Variants in ABCD2 observed in about 807,000 individuals in gnomAD.
ABCD2 encodes ATP-binding cassette sub-family D member 2.
Under a neutral mutation model 70.9 loss-of-function variants are expected in ABCD2, and 36 were observed. The observed-to-expected ratio is 0.51, with a 90% CI of 0.39 to 0.67. The LOEUF is 0.67. Among genes scored for constraint, ABCD2 ranks in the 30% least tolerant of loss-of-function variants. The pLI is 0.00. For missense variants in ABCD2, 729 were observed against 890.2 expected (o/e 0.82, Z 2.30); for synonymous variants, 304 against 306.9 (o/e 0.99, Z 0.10).
intron 9 of ABCD2, among the ~76,000 whole-genome samples, chr12:39,566,567 T>C (rs1941352057): frequency 6.6e-6 from 1 of 152,220 alleles, no homozygotes; most frequent in Admixed American, 6.5e-5. Flanking sequence ...TTGTTGATCT[T>C]TTCAAAAAAC....
intron 9 of ABCD2, among the ~76,000 whole-genome samples, chr12:39,559,378 CAAAAAAAA>C (rs199560381): frequency 1.8e-4 from 11 of 60,404 alleles, no homozygotes; most frequent in South Asian, 8.0e-4. Flanking sequence ...ACTCCAGCTC[CAAAAAAAA>C]AAAAAAAAAA....
At chr12:39,613,228 T>C (rs1436945634) in intron 2 of ABCD2, among the ~76,000 whole-genome samples, 2 of 122,834 alleles carry the variant, frequency 1.6e-5, no homozygotes, top group African/African-American at 4.0e-5. Flanking sequence ...CTACTAAAAA[T>C]ACAAAAAATT....
chr12:39,552,383 A>G lies in ABCD2; in HGVS notation c.*1529T>C, dbSNP rs1941100139. The G allele has an allele frequency of 6.6e-6, 1 of 151,954 alleles. No individual in the cohort carries two copies. 9.4% of individuals were successfully genotyped at this position (151,954 alleles called of 1,614,324 possible). On this transcript the variant is annotated 3_prime_UTR_variant, in exon 10 of 10. Coordinates refer to ENST00000308666, the MANE Select transcript of ABCD2 (RefSeq NM_005164.4). The stretch of plus-strand genomic sequence containing the variant: ...AGGCAAATAAAATCCTAGGCCACTA[A>G]CAACTGATCATTCCAATATTCTTCT...
At chr12:39,584,453 C>G (rs1010919616) in intron 7 of ABCD2, among the ~76,000 whole-genome samples, 1 of 152,134 alleles carries the variant, frequency 6.6e-6, no homozygotes, top group African/African-American at 2.4e-5. Flanking sequence ...AATACTTTCT[C>G]CCATTGTGTA....
chr12:39,603,294 G>T (rs1171787394), intron 5 of ABCD2, among the ~76,000 whole-genome samples: 5 of 152,028 alleles, frequency 3.3e-5, no homozygotes, highest in Admixed American at 6.6e-5. Context: ...TTTTGTACTT[G>T]AATCCCAAAA....
At chr12:39,566,952 T>C (rs1476818228) in intron 9 of ABCD2, among the ~76,000 whole-genome samples, 5 of 152,246 alleles carry the variant, frequency 3.3e-5, no homozygotes, top group Admixed American at 3.3e-4. Flanking sequence ...TGAGTGAGTT[T>C]CTTAATCCTG....
Position 39,550,808 on chromosome 12 carries a change from A to G in ABCD2, c.*3104T>C, listed in dbSNP as rs1037448441. ...AATAACCTTTACCATCATTTTATGC[A>G]TATATTAGAAGTGTGTAACATTCTC... On this transcript the variant is annotated 3_prime_UTR_variant, in exon 10 of 10. Transcript: ENST00000308666. The G allele has an allele frequency of 3.3e-5, 5 of 151,704 alleles. No homozygotes were observed. Among genetic ancestry groups the G allele is most frequent in the Non-Finnish European group, 7.4e-5 (5 of 67,666 alleles). 9.4% of individuals were successfully genotyped at this position (151,704 alleles called of 1,614,324 possible).
At chr12:39,616,908 G>T in intron 2 of ABCD2, 80 bp downstream of exon 2, 1 of 1,301,250 alleles carries the variant, frequency 7.7e-7, no homozygotes, top group Non-Finnish European at 1.1e-6. Context: ...ACACAGTTTA[G>T]CTCACATAAA....
the ABCD2 span, chr12:39,539,994 T>G: frequency 1.3e-5 from 2 of 152,206 alleles, no homozygotes; most frequent in Non-Finnish European, 2.9e-5. Context: ...CACACCATAG[T>G]ATTGCCTGTC....
At chr12:39,538,171 CTTTTTTT>C in the ABCD2 span, among the ~76,000 whole-genome samples, 1 of 139,696 alleles carries the variant, frequency 7.2e-6, no homozygotes, top group African/African-American at 2.6e-5. Flanking sequence ...TTCTTTCTTT[CTTTTTTT>C]TTTTTTTTTG....
chr12:39,561,046 C>T (rs1232314544), intron 9 of ABCD2, among the ~76,000 whole-genome samples: 2 of 152,012 alleles, frequency 1.3e-5, no homozygotes, highest in Non-Finnish European at 2.9e-5. Context: ...AGGAGTAATT[C>T]CTTACCTATT....
At chr12:39,607,393 A>G (rs1941982774) in intron 3 of ABCD2, among the ~76,000 whole-genome samples, 1 of 152,226 alleles carries the variant, frequency 6.6e-6, no homozygotes, top group South Asian at 2.1e-4. Flanking sequence ...AGGGAAAAAG[A>G]GAGATAACAA....
chr12:39,542,887 A>T, the ABCD2 span, among the ~76,000 whole-genome samples: 1 of 152,214 alleles, frequency 6.6e-6, no homozygotes, highest in African/African-American at 2.4e-5. Context: ...GAGCAGGAAA[A>T]GTTTGAGACC....
chr12:39,562,732 A>T lies in ABCD2; in HGVS notation c.2004-8601T>A, dbSNP rs77657836. Among the ~76,000 whole-genome samples the T allele has an allele frequency of 8.5e-5, 13 of 152,306 alleles. No homozygotes were observed. The East Asian group carries it at 1.5e-3, about 18-fold the overall frequency. On this transcript the variant is annotated intron_variant, in intron 9 of 9. Coordinates refer to ENST00000308666, the MANE Select transcript of ABCD2 (RefSeq NM_005164.4). Reference sequence around the variant, plus strand: ...ATGGCTTAACTACCAAATTCTACCAAATATTTAAAGAACTAATATTAGTTC... The same window carrying T: ...ATGGCTTAACTACCAAATTCTACCATATATTTAAAGAACTAATATTAGTTC...
intron 9 of ABCD2, among the ~76,000 whole-genome samples, chr12:39,569,580 A>T (rs1396112289): frequency 1.3e-5 from 2 of 152,046 alleles, no homozygotes. Context: ...ATCCTGGGTG[A>T]GGCGATGCCT....
chr12:39,564,355 T>C (rs910224596), intron 9 of ABCD2, among the ~76,000 whole-genome samples: 1 of 152,250 alleles, frequency 6.6e-6, no homozygotes, highest in African/African-American at 2.4e-5. Flanking sequence ...CTGTGGTTTT[T>C]GATTTGCATT....
At chr12:39,536,605 T>G in the ABCD2 span, among the ~76,000 whole-genome samples, 1 of 152,190 alleles carries the variant, frequency 6.6e-6, no homozygotes, top group Admixed American at 6.5e-5. Flanking sequence ...GGAGGAGAGT[T>G]TTTGTTGTTG....
At chr12:39,532,050 T>G in the ABCD2 span, among the ~76,000 whole-genome samples, 2 of 152,326 alleles carry the variant, frequency 1.3e-5, no homozygotes, top group South Asian at 4.1e-4. Context: ...TAACAGGTAT[T>G]GTGGGAGTAC....
At chr12:39,554,163 C>A in intron 9 of ABCD2, 32 bp from the exon 10 acceptor site, 1 of 1,562,236 alleles carries the variant, frequency 6.4e-7, no homozygotes, top group Non-Finnish European at 8.7e-7. Flanking sequence ...ATATTATTAG[C>A]CATAATGTTG....
Sources: allele counts gnomAD v4.1 joint callset (sites outside exome capture counted in the v4.1 genomes callset), GRCh38; gene constraint gnomAD v4.1.1; transcripts MANE v1.5; gene names NCBI Gene and HGNC (gene_info 2026-07-23, HGNC 2026-07-21).